PRSS3: variants seen among roughly 807,000 people sequenced by gnomAD.
PRSS3 encodes serine protease 3.
Under a neutral mutation model 20.8 loss-of-function variants are expected in PRSS3, and 14 were observed. The ratio of observed to expected loss-of-function variants is 0.67; its 90% confidence interval spans 0.44 to 1.05. The LOEUF is 1.05. Among genes scored for constraint, PRSS3 ranks in the 50% least tolerant of loss-of-function variants. PRSS3 has a pLI of 0.00. For missense variants in PRSS3, 237 were observed against 306.4 expected, an observed-to-expected ratio of 0.77 and a Z score of 1.69; for synonymous variants, 91 against 117.6, an observed-to-expected ratio of 0.77 and a Z score of 1.46.
At chr9:33,789,360 C>T (rs695230) in intron 1 of PRSS3, among the ~76,000 whole-genome samples, 149,883 of 152,320 alleles carry the variant, frequency 0.98, 73,787 homozygotes, top group East Asian at 1. Context: ...TTCTTGGTCA[C>T]AGAATGTCTA....
At chr9:33,792,699 T>G (rs1824688387), upstream of PRSS3, among the ~76,000 whole-genome samples, 1 of 152,240 alleles carries the variant, frequency 6.6e-6, no homozygotes, top group South Asian at 2.1e-4. Flanking sequence ...AAAGCTCATT[T>G]AATCACCTGG....
At chr9:33,786,479 C>T (rs1236531561) in intron 1 of PRSS3, 4 of 728,854 alleles carry the variant, frequency 5.5e-6, no homozygotes, top group Non-Finnish European at 1.0e-5. Flanking sequence ...GAGACTTTCC[C>T]GTCTGACCCC....
At chr9:33,779,987 A>G (rs914996639) in intron 1 of PRSS3, among the ~76,000 whole-genome samples, 5 of 152,048 alleles carry the variant, frequency 3.3e-5, no homozygotes, top group African/African-American at 1.2e-4. Flanking sequence ...GCAATTTCAA[A>G]AATGTATTTG....
At chr9:33,776,066 A>C (rs1295663656) in intron 1 of PRSS3, among the ~76,000 whole-genome samples, 1 of 152,248 alleles carries the variant, frequency 6.6e-6, no homozygotes, top group Non-Finnish European at 1.5e-5. Context: ...TGACTTGACA[A>C]ATAGGGAATC....
chr9:33,783,022 A>G (rs1042740659), intron 1 of PRSS3, among the ~76,000 whole-genome samples: 33 of 152,250 alleles, frequency 2.2e-4, no homozygotes, highest in African/African-American at 8.0e-4. Flanking sequence ...CCACATGGTG[A>G]CATATTCCAC....
chr9:33,772,855 TAGAG>T (rs1324715572), intron 1 of PRSS3, among the ~76,000 whole-genome samples: 1 of 152,206 alleles, frequency 6.6e-6, no homozygotes, highest in East Asian at 1.9e-4. Flanking sequence ...AACGTAATGT[TAGAG>T]AGTGCTGGTT....
At chr9:33,798,841 T>C (rs367655680) in intron 4 of PRSS3, 187 bp from the exon 5 acceptor site, 4 of 1,042,556 alleles carry the variant, frequency 3.8e-6, no homozygotes, top group Non-Finnish European at 5.6e-6. Context: ...GTGCCCCCAT[T>C]GGGAAATGAG....
chr9:33,792,045 C>A (rs1357612690), upstream of PRSS3, among the ~76,000 whole-genome samples: 1 of 152,128 alleles, frequency 6.6e-6, no homozygotes, highest in African/African-American at 2.4e-5. Context: ...ACAAGTCAGA[C>A]TTTTCTGGAT....
rs573979825 is a variant in PRSS3 at position 33,773,408 on chromosome 9, C to T, written c.-52-21338C>T. Among the ~76,000 whole-genome samples, 5 of 152,226 alleles carry T rather than the reference C, an allele frequency of 3.3e-5. No individual in the cohort carries two copies. In the South Asian group the frequency reaches 1.0e-3, roughly 32 times the overall value. ...ATAGGGAGATTCTAGAAATGAGAGT[C>T]ATGGAAGTGTTGAGATGAGGTCTTC... On this transcript the variant is annotated intron_variant, in intron 1 of 5. Transcript: ENST00000342836.
At chr9:33,772,586 TTCGCTCTTG>T (rs1164393687) in intron 1 of PRSS3, among the ~76,000 whole-genome samples, 2 of 152,200 alleles carry the variant, frequency 1.3e-5, no homozygotes, top group Admixed American at 1.3e-4. Flanking sequence ...GAGACGGAGT[TTCGCTCTTG>T]TCGCTCTTCT....
chr9:33,757,770 T>A (rs571566777), intron 1 of PRSS3, among the ~76,000 whole-genome samples: 11 of 152,210 alleles, frequency 7.2e-5, no homozygotes, highest in Non-Finnish European at 1.6e-4. Context: ...GACCCTATTA[T>A]CTGTTTTAAA....
chr9:33,783,011 T>G (rs1361042406), intron 1 of PRSS3, among the ~76,000 whole-genome samples: 1 of 152,216 alleles, frequency 6.6e-6, no homozygotes, highest in Non-Finnish European at 1.5e-5. Context: ...GGGTAGTATA[T>G]CCACATGGTG....
chr9:33,761,601 G>T (rs904561723), intron 1 of PRSS3, among the ~76,000 whole-genome samples: 4 of 152,120 alleles, frequency 2.6e-5, no homozygotes, highest in African/African-American at 7.2e-5. Context: ...AGCTACTGGG[G>T]AGGCTGAGAC....
At chr9:33,751,881 G>A (rs559066642) in intron 1 of PRSS3, among the ~76,000 whole-genome samples, 1 of 152,296 alleles carries the variant, frequency 6.6e-6, no homozygotes, top group Admixed American at 6.5e-5. Flanking sequence ...TCGTGACTGC[G>A]AGCTTCTTGG....
At chr9:33,797,209 A>T (rs1164373017) in intron 2 of PRSS3, among the ~76,000 whole-genome samples, 1 of 152,184 alleles carries the variant, frequency 6.6e-6, no homozygotes, top group South Asian at 2.1e-4. Flanking sequence ...GAGTGTATAG[A>T]CAGAGCTGAG....
At chr9:33,781,554 G>A (rs535639499) in intron 1 of PRSS3, among the ~76,000 whole-genome samples, 1 of 152,074 alleles carries the variant, frequency 6.6e-6, no homozygotes, top group Admixed American at 6.6e-5. Flanking sequence ...GGTTGACATG[G>A]GTTGAAAAAC....
At chr9:33,783,979 C>T (rs2119011013) in intron 1 of PRSS3, among the ~76,000 whole-genome samples, 1 of 151,024 alleles carries the variant, frequency 6.6e-6, no homozygotes, top group Admixed American at 6.6e-5. Flanking sequence ...TGTACCAAAA[C>T]ACTTACAAGA....
At chr9:33,795,409 G>A (rs1437247607), upstream of PRSS3, 39 of 926,762 alleles carry the variant, frequency 4.2e-5, no homozygotes, top group Non-Finnish European at 5.5e-5. Flanking sequence ...CCCACAGAGT[G>A]GCCAAACGTA....
rs1293001399 is a variant in PRSS3, at chr9:33,750,980, G to C, written c.-53+253G>C. On this transcript the variant is annotated intron_variant, in intron 1 of 5. Coordinates refer to the PRSS3 transcript ENST00000342836. This position sits in a 1 kb window ranked among gnomAD's most constrained non-coding sequence, Gnocchi z 4.8. ...GAAGCCCACCTGGGGCCCCCTCCGG[G>C]CTGCGGCACCGATGCGCACACTACT... 5 of 856,602 alleles carry C rather than the reference G, an allele frequency of 5.8e-6. No individual in the cohort carries two copies. The highest frequency in any genetic ancestry group is 8.0e-6 in the Non-Finnish European group (5 of 626,672). The allele number at this position is 856,602 out of a possible 1,614,324, so 53.1% of individuals were successfully genotyped here. A position where few individuals can be genotyped will look rare whatever the true frequency, so the allele number is the denominator to read the frequency against.
Sources: allele counts gnomAD v4.1 joint callset (sites outside exome capture counted in the v4.1 genomes callset), GRCh38; gene constraint gnomAD v4.1.1; non-coding constraint Gnocchi (gnomAD v3.1); transcripts MANE v1.5; gene names NCBI Gene and HGNC (gene_info 2026-07-23, HGNC 2026-07-21).